Variants in STPG2 observed in about 807,000 individuals in gnomAD.
STPG2 encodes sperm-tail PG-rich repeat-containing protein 2.
A neutral mutation model predicts 54.2 loss-of-function variants in STPG2; 56 were observed. The ratio of observed to expected loss-of-function variants is 1.03; its 90% CI spans 0.83 to 1.29. The LOEUF (loss-of-function observed/expected upper bound fraction) is 1.29. Among genes scored for constraint, STPG2 ranks in the 50% most tolerant of loss-of-function variants. The pLI, the probability that STPG2 is intolerant of heterozygous loss-of-function variation, is 0.00. For synonymous variants in STPG2, 200 were observed against 181.8 expected (o/e 1.10, Z -0.81); for missense variants, 596 against 544.9 (o/e 1.09, Z -0.93).
intron 4 of STPG2, among the ~76,000 whole-genome samples, chr4:97,532,317 C>A (rs1441200843): frequency 6.6e-6 from 1 of 151,946 alleles, no homozygotes; most frequent in Non-Finnish European, 1.5e-5. Context: ...TTCACACAAC[C>A]TATAAAAGAA....
chr4:97,637,572 A>G (rs1334296792), intron 10 of STPG2, among the ~76,000 whole-genome samples: 3 of 152,198 alleles, frequency 2.0e-5, no homozygotes, highest in Non-Finnish European at 4.4e-5. Flanking sequence ...TGCTGATGAC[A>G]TGATTGTATA....
chr4:97,791,378 A>G lies in STPG2; in HGVS notation c.1204+49395T>C, dbSNP rs188756243. Among the ~76,000 whole-genome samples, 277 of 152,300 alleles carry G rather than the reference A, an allele frequency of 1.8e-3. 2 individuals carry two copies. The highest frequency in any genetic ancestry group is 0.014 in the East Asian group (71 of 5,186). On this transcript the variant is annotated intron_variant, in intron 9 of 10. Coordinates refer to ENST00000295268, the MANE Select transcript of STPG2 (RefSeq NM_174952.3). The stretch of plus-strand genomic sequence containing the variant: ...TGAATTTCATTTATAGTGAAATAAA[A>G]TTGCTACGAGTATGACTATAATCTG...
chr4:97,797,384 G>T (rs1727231628), intron 9 of STPG2, among the ~76,000 whole-genome samples: 1 of 152,172 alleles, frequency 6.6e-6, no homozygotes. Context: ...TTTCTTGAGA[G>T]TTTTTAGCAT....
intron 8 of STPG2, among the ~76,000 whole-genome samples, chr4:97,844,025 G>A (rs1728874605): frequency 2.0e-5 from 3 of 151,856 alleles, no homozygotes; most frequent in South Asian, 4.1e-4. Context: ...GTTTCAGGAG[G>A]TATGAAACCT....
intron 4 of STPG2, among the ~76,000 whole-genome samples, chr4:97,553,616 T>A (rs921376600): frequency 2.0e-5 from 3 of 152,206 alleles, no homozygotes; most frequent in Non-Finnish European, 4.4e-5. Flanking sequence ...AACAGAGGAC[T>A]GGATGCCACC....
intron 5 of STPG2, among the ~76,000 whole-genome samples, chr4:97,997,931 A>AT (rs1457535782): frequency 6.6e-6 from 1 of 152,094 alleles, no homozygotes; most frequent in Non-Finnish European, 1.5e-5. Context: ...AAAATGAAAA[A>AT]TTTTTTTAAA....
chr4:98,046,218 A>C (rs929768733), intron 5 of STPG2, among the ~76,000 whole-genome samples: 1 of 151,750 alleles, frequency 6.6e-6, no homozygotes, highest in Non-Finnish European at 1.5e-5. Context: ...ACTTTTTTCT[A>C]TCTCTGTTGA....
chr4:97,972,488 T>G (rs759711155), intron 6 of STPG2, 48 bp from the exon 7 acceptor site: 1 of 1,161,954 alleles, frequency 8.6e-7, no homozygotes, highest in Non-Finnish European at 1.2e-6. Context: ...TGCTTTTATA[T>G]GCACCTTTTG....
At chr4:97,497,875 A>C (rs1730644042) in intron 4 of STPG2, among the ~76,000 whole-genome samples, 1 of 151,724 alleles carries the variant, frequency 6.6e-6, no homozygotes, top group Non-Finnish European at 1.5e-5. Flanking sequence ...CATTATCCCT[A>C]GGTTTTCTAT....
intron 4 of STPG2, among the ~76,000 whole-genome samples, chr4:97,494,625 C>T (rs1460555804): frequency 6.6e-6 from 1 of 151,416 alleles, no homozygotes; most frequent in Non-Finnish European, 1.5e-5. Flanking sequence ...AGGTACCAGC[C>T]CTGGGAAGCA....
At chr4:97,989,409 A>T (rs1418614660) in intron 5 of STPG2, among the ~76,000 whole-genome samples, 1 of 152,186 alleles carries the variant, frequency 6.6e-6, no homozygotes, top group Non-Finnish European at 1.5e-5. Flanking sequence ...CCTGAAACTG[A>T]GGATAGTATG....
chr4:97,827,205 A>G (rs1728285454), intron 9 of STPG2, among the ~76,000 whole-genome samples: 1 of 151,224 alleles, frequency 6.6e-6, no homozygotes. Context: ...TTTGTTTTTC[A>G]GAGTTAAGGA....
At chr4:97,980,701 T>C (rs572102263) in intron 6 of STPG2, among the ~76,000 whole-genome samples, 3 of 152,346 alleles carry the variant, frequency 2.0e-5, no homozygotes, top group Non-Finnish European at 2.9e-5. Context: ...CAGAACTGTA[T>C]GTCAGCAATT....
chr4:98,004,999 G>C (rs1351149499), intron 5 of STPG2, among the ~76,000 whole-genome samples: 1 of 140,030 alleles, frequency 7.1e-6, no homozygotes, highest in Non-Finnish European at 1.6e-5. Context: ...TTAGTTTATT[G>C]CAATCCCATT....
At chr4:97,512,441 A>G (rs958897830) in intron 4 of STPG2, among the ~76,000 whole-genome samples, 1 of 152,124 alleles carries the variant, frequency 6.6e-6, no homozygotes, top group African/African-American at 2.4e-5. Context: ...TGGAATGCAT[A>G]TGTAGCTTGG....
intron 4 of STPG2, among the ~76,000 whole-genome samples, chr4:97,545,039 T>C (rs1037578040): frequency 3.3e-5 from 5 of 152,102 alleles, no homozygotes; most frequent in African/African-American, 1.2e-4. Context: ...AATAAGATTA[T>C]TGTCAAAAAT....
At chr4:97,937,398 C>T (rs1732788009) in intron 8 of STPG2, among the ~76,000 whole-genome samples, 1 of 152,110 alleles carries the variant, frequency 6.6e-6, no homozygotes, top group Non-Finnish European at 1.5e-5. Context: ...CTATCTCATC[C>T]TCTGTCCAGT....
At chr4:97,650,999 T>G (rs547506022) in intron 10 of STPG2, among the ~76,000 whole-genome samples, 1 of 151,938 alleles carries the variant, frequency 6.6e-6, no homozygotes, top group East Asian at 1.9e-4. Flanking sequence ...TAGATAGGAA[T>G]TTGGGCAAGA....
chr4:97,699,554 T>C (rs1022294861), intron 10 of STPG2, among the ~76,000 whole-genome samples: 3 of 152,228 alleles, frequency 2.0e-5, no homozygotes, highest in Admixed American at 1.3e-4. Flanking sequence ...AATGAGTATA[T>C]AATCGTACAT....
Sources: gnomAD v4.1 joint callset for allele counts (sites outside exome capture counted in the v4.1 genomes callset) on GRCh38, gnomAD v4.1.1 for gene constraint, MANE v1.5 for transcripts, NCBI Gene and HGNC (gene_info 2026-07-23, HGNC 2026-07-21) for gene names.